The following ASH1L variants were observed in gnomAD, a reference collection of about 807,000 sequenced individuals.
ASH1L encodes ASH1 like histone lysine methyltransferase.
In ASH1L, 23 loss-of-function variants were observed where a neutral mutation model predicts 269.0. The observed-to-expected ratio is 0.09, with a 90% CI of 0.06 to 0.12. The LOEUF is 0.12. ASH1L is among the 10% of genes least tolerant of loss of function. The pLI, the probability that ASH1L is intolerant of heterozygous loss-of-function variation, is 1.00. For synonymous variants in ASH1L, 1,187 were observed against 1,253.5 expected (o/e 0.95, Z 1.12); for missense variants, 2,912 against 3,567.8 (o/e 0.82, Z 4.68).
At chr1:155,353,336 TAGA>T (rs1654090893) in intron 16 of ASH1L, among the ~76,000 whole-genome samples, 2 of 152,230 alleles carry the variant, frequency 1.3e-5, no homozygotes, top group East Asian at 1.9e-4. Context: ...CTGTTATTAT[TAGA>T]AGAAGTAAAC....
intron 2 of ASH1L, among the ~76,000 whole-genome samples, chr1:155,514,545 T>TTTTATA (rs149598325): frequency 7.9e-5 from 12 of 151,966 alleles, no homozygotes; most frequent in African/African-American, 1.2e-4. Context: ...TTGCTGTTTA[T>TTTTATA]TTTATATTTA....
At chr1:155,559,427 C>A (rs772317475) in intron 1 of ASH1L, among the ~76,000 whole-genome samples, 1 of 150,144 alleles carries the variant, frequency 6.7e-6, no homozygotes, top group Admixed American at 6.7e-5. Flanking sequence ...CCCAGCTACT[C>A]GGGAGGCTGA....
upstream of ASH1L, chr1:155,562,843 C>A (rs780564920): frequency 3.2e-5 from 16 of 496,976 alleles, no homozygotes; most frequent in East Asian, 3.5e-4. Flanking sequence ...TCCTCCCCCC[C>A]CTTCCCCGCC....
chr1:155,493,172 G>A (rs1250979360), intron 2 of ASH1L, among the ~76,000 whole-genome samples: 1 of 152,106 alleles, frequency 6.6e-6, no homozygotes, highest in Non-Finnish European at 1.5e-5. Flanking sequence ...TATAGTTACA[G>A]AATTGTGCAA....
intron 6 of ASH1L, among the ~76,000 whole-genome samples, chr1:155,409,736 G>A (rs985854761): frequency 6.6e-6 from 1 of 152,098 alleles, no homozygotes; most frequent in South Asian, 2.1e-4. Context: ...AAAATGTTGA[G>A]ATTACAGGCA....
rs191643087 is a variant in ASH1L, at chr1:155,530,292, C to T, written c.-99-8674G>A. On this transcript the variant is annotated intron_variant, in intron 1 of 27. Coordinates refer to ENST00000392403, the MANE Select transcript of ASH1L (RefSeq NM_018489.3). ...TCTTTCCATTGAAATTTGAACTCTA[C>T]CAGGAAATAGACTTATCAGTTTGGT... 3.4e-3 allele frequency among the ~76,000 whole-genome samples: 517 copies of T among 152,232 alleles called. 1 individual carries two copies. The highest frequency in any genetic ancestry group is 6.1e-3 in the Non-Finnish European group (418 of 68,022).
chr1:155,560,793 C>G (rs1252949101), intron 1 of ASH1L, among the ~76,000 whole-genome samples: 1 of 152,246 alleles, frequency 6.6e-6, no homozygotes, highest in African/African-American at 2.4e-5. Context: ...CTCACACATA[C>G]AACCTCAAGT....
rs1285071089 is a variant in ASH1L, at chr1:155,478,937, G to A, written c.3933C>T (p.Ile1311=). 6 of 1,613,908 alleles carry A rather than the reference G, an allele frequency of 3.7e-6. No homozygotes were observed. The highest frequency in any genetic ancestry group is 1.3e-5 in the African/African-American group (1 of 74,998). ...AGATAGTTGGCAGAAGATCTCGGGG[G>A]ATAAAATGATGACTTCGATGAGTGA... The part of the protein sequence containing the change: ...IRITHRSHHF[I]PRDLLPTIFR... Residue 1311 remains isoleucine, a synonymous_variant, in exon 3 of 28, where the codon ATC becomes ATT. Transcript: ENST00000392403. The surrounding 1 kb of genome is among the most constrained non-coding windows in gnomAD (Gnocchi z 4.6).
chr1:155,504,746 C>T (rs1033970237), intron 2 of ASH1L, among the ~76,000 whole-genome samples: 1 of 151,048 alleles, frequency 6.6e-6, no homozygotes, highest in African/African-American at 2.4e-5. Flanking sequence ...CCCAGCTACT[C>T]GGGAGGCTGA....
At position 155,438,849 on chromosome 1, in the gene ASH1L, G is replaced by A. The variant is rs774800516; in HGVS notation, c.5306C>T (p.Ala1769Val). The change falls in exon 5 of 28, where the codon GCA (alanine) becomes GTA (valine). Residue 1769 changes from alanine (A) to valine (V), a missense_variant. Ala to Val is a moderately conservative substitution (Grantham distance 64). Transcript: ENST00000392403. ...LGKPDSLLVP[A>V]VTSDSCNNSI... ...ATTATTGCAAGAGTCACTTGTGACT[G>A]CAGGCACTAAAAGGCTGTCTGGTTT... The A allele has an allele frequency of 1.1e-5, 18 of 1,614,078 alleles. No individual in the cohort carries two copies. The highest frequency in any genetic ancestry group is 1.4e-5 in the Non-Finnish European group (16 of 1,180,058).
At chr1:155,555,263 G>A (rs1301880371) in intron 1 of ASH1L, among the ~76,000 whole-genome samples, 6 of 151,118 alleles carry the variant, frequency 4.0e-5, no homozygotes, top group East Asian at 1.9e-4. Flanking sequence ...TTGGGAGGCC[G>A]ATGCGGGCTG....
intron 2 of ASH1L, among the ~76,000 whole-genome samples, chr1:155,487,378 T>C (rs2148749529): frequency 6.6e-6 from 1 of 152,186 alleles, no homozygotes; most frequent in Non-Finnish European, 1.5e-5. Context: ...AATGTCATAC[T>C]ACTTTTTTAT....
intron 2 of ASH1L, among the ~76,000 whole-genome samples, chr1:155,490,383 G>T (rs942507506): frequency 1.3e-5 from 2 of 151,698 alleles, no homozygotes; most frequent in Non-Finnish European, 2.9e-5. Flanking sequence ...AGGCCAAGGT[G>T]GGTGGATAAT....
intron 6 of ASH1L, among the ~76,000 whole-genome samples, chr1:155,414,572 G>A (rs1432061711): frequency 6.6e-6 from 1 of 152,142 alleles, no homozygotes; most frequent in African/African-American, 2.4e-5. Flanking sequence ...GCCTCCCAAA[G>A]TGTTGGGATT....
intron 10 of ASH1L, among the ~76,000 whole-genome samples, chr1:155,374,848 C>T (rs1278510868): frequency 1.3e-5 from 2 of 152,146 alleles, no homozygotes; most frequent in African/African-American, 2.4e-5. Flanking sequence ...CAGGGTCTCA[C>T]TCTGTCACCC....
At chr1:155,387,175 T>C (rs1338182986) in intron 7 of ASH1L, among the ~76,000 whole-genome samples, 3 of 152,166 alleles carry the variant, frequency 2.0e-5, no homozygotes, top group South Asian at 2.1e-4. Context: ...GATTTTGCCA[T>C]GTTGATCAGG....
At chr1:155,448,639 T>A (rs1335405056) in intron 4 of ASH1L, among the ~76,000 whole-genome samples, 1 of 151,966 alleles carries the variant, frequency 6.6e-6, no homozygotes, top group African/African-American at 2.4e-5. Context: ...GGATTACAGG[T>A]GCGCGTGACC....
At chr1:155,473,169 A>G (rs1665237333) in intron 3 of ASH1L, among the ~76,000 whole-genome samples, 1 of 152,218 alleles carries the variant, frequency 6.6e-6, no homozygotes, top group Admixed American at 6.5e-5. Flanking sequence ...GAAGGAGTAC[A>G]CCAACACAAA....
rs1306814872 is a variant in ASH1L at position 155,343,722 on chromosome 1, T to C, written c.8002A>G (p.Arg2668Gly). The C allele has an allele frequency of 3.1e-6, 5 of 1,613,984 alleles. No individual in the cohort carries two copies. Among genetic ancestry groups the C allele is most frequent in the Non-Finnish European group, 4.2e-6 (5 of 1,180,008 alleles). The change falls in exon 23 of 28, where the codon AGG becomes GGG. Residue 2668 changes from arginine to glycine, a missense_variant. Coordinates refer to ENST00000392403, the MANE Select transcript of ASH1L (RefSeq NM_018489.3). The surrounding 1 kb of genome is among the most constrained non-coding windows in gnomAD (Gnocchi z 6.1). ...LRQGDCVYLM[R>G]DSRRTPDGHP... ...CCATCAGGGGTGCGCCGACTATCCC[T>C]CATCAGATACACACAGTCACCTAGG...
Sources: gnomAD v4.1 joint callset for allele counts (sites outside exome capture counted in the v4.1 genomes callset) on GRCh38, gnomAD v4.1.1 for gene constraint, Gnocchi (gnomAD v3.1) non-coding constraint, MANE v1.5 for transcripts, NCBI Gene and HGNC (gene_info 2026-07-23, HGNC 2026-07-21) for gene names.